ATG10: variants seen among roughly 807,000 people sequenced by gnomAD.
The protein encoded by ATG10 is ubiquitin-like-conjugating enzyme ATG10.
ATG10 carries 30 observed loss-of-function variants against 32.1 expected under a neutral mutation model. That is an observed-to-expected ratio of 0.94 (90% CI 0.70 to 1.27). The LOEUF (loss-of-function observed/expected upper bound fraction) is 1.27. Among genes scored for constraint, ATG10 ranks in the 50% most tolerant of loss-of-function variants. The probability of loss-of-function intolerance (pLI) is 0.00; values close to 1 mark genes in which losing one functional copy is unlikely to be tolerated. For missense variants in ATG10, 233 were observed against 262.3 expected (o/e 0.89, Z 0.77); for synonymous variants, 87 against 91.5 (o/e 0.95, Z 0.28).
intron 5 of ATG10, among the ~76,000 whole-genome samples, chr5:82,245,224 A>G (rs1301068955): frequency 1.3e-5 from 2 of 152,238 alleles, no homozygotes; most frequent in Admixed American, 6.5e-5. Context: ...TCCTAAACCA[A>G]CTAATGACTG....
At chr5:82,070,626 C>T (rs1280341044) in intron 3 of ATG10, among the ~76,000 whole-genome samples, 1 of 152,048 alleles carries the variant, frequency 6.6e-6, no homozygotes, top group South Asian at 2.1e-4. Context: ...TCTTTTATTT[C>T]TCTTGCTTTC....
intron 3 of ATG10, among the ~76,000 whole-genome samples, chr5:82,079,503 C>A (rs1422124779): frequency 1.3e-5 from 2 of 151,984 alleles, no homozygotes; most frequent in Non-Finnish European, 2.9e-5. Context: ...TCTCCTAGTG[C>A]TATCCCTCCC....
At chr5:82,124,980 T>C (rs1333854913) in intron 3 of ATG10, among the ~76,000 whole-genome samples, 1 of 152,214 alleles carries the variant, frequency 6.6e-6, no homozygotes, top group Non-Finnish European at 1.5e-5. Context: ...ATGAACACCA[T>C]TCTAACTGGC....
chr5:82,047,967 A>G (rs1196472236), intron 2 of ATG10, among the ~76,000 whole-genome samples: 1 of 149,820 alleles, frequency 6.7e-6, no homozygotes, highest in African/African-American at 2.4e-5. Context: ...CCGTTTATTA[A>G]ATAGGGAATC....
intron 5 of ATG10, among the ~76,000 whole-genome samples, chr5:82,216,562 G>C (rs949678545): frequency 2.0e-5 from 3 of 152,126 alleles, no homozygotes; most frequent in African/African-American, 7.2e-5. Context: ...GAGACTTCAA[G>C]CATGCTAATT....
chr5:82,252,511 G>A, intron 5 of ATG10, 51 bp from the exon 6 acceptor site: 1 of 1,089,294 alleles, frequency 9.2e-7, no homozygotes, highest in Non-Finnish European at 1.4e-6. Flanking sequence ...AATTATTTTA[G>A]CCTTTTCAAA....
At chr5:82,185,643 A>G (rs1159359353) in intron 5 of ATG10, among the ~76,000 whole-genome samples, 2 of 152,186 alleles carry the variant, frequency 1.3e-5, no homozygotes, top group Non-Finnish European at 2.9e-5. Flanking sequence ...AAACACAACA[A>G]AAAAAACATA....
chr5:82,210,409 T>C (rs1745449944), intron 5 of ATG10, among the ~76,000 whole-genome samples: 1 of 152,154 alleles, frequency 6.6e-6, no homozygotes, highest in African/African-American at 2.4e-5. Flanking sequence ...GCTGATCTGT[T>C]TCCAATACCC....
At chr5:82,039,722 A>C (rs1288442792) in intron 2 of ATG10, among the ~76,000 whole-genome samples, 1 of 152,260 alleles carries the variant, frequency 6.6e-6, no homozygotes, top group African/African-American at 2.4e-5. Flanking sequence ...CACAGAAGAA[A>C]GTATGCAATT....
intron 2 of ATG10, among the ~76,000 whole-genome samples, chr5:82,020,563 A>T (rs1309686318): frequency 6.6e-6 from 1 of 152,208 alleles, no homozygotes; most frequent in Admixed American, 6.5e-5. Context: ...CTGATCTGTG[A>T]CAAGTTCAGC....
intron 3 of ATG10, among the ~76,000 whole-genome samples, chr5:82,082,572 G>T (rs1435533450): frequency 6.6e-6 from 1 of 151,780 alleles, no homozygotes; most frequent in African/African-American, 2.4e-5. Flanking sequence ...TGTGGCTGAT[G>T]GACTTTGAGA....
At chr5:82,058,456 T>C in intron 2 of ATG10, 39 bp from the exon 3 acceptor site, 2 of 1,397,870 alleles carry the variant, frequency 1.4e-6, no homozygotes, top group Non-Finnish European at 2.0e-6. Context: ...CTTAAAATAA[T>C]TGGCATTTTC....
At chr5:82,108,994 G>A (rs538463831) in intron 3 of ATG10, among the ~76,000 whole-genome samples, 1 of 152,130 alleles carries the variant, frequency 6.6e-6, no homozygotes, top group East Asian at 1.9e-4. Flanking sequence ...ATTTGGAGCC[G>A]AAGAAAAGTC....
At chr5:82,174,777 G>C (rs1170219051) in intron 4 of ATG10, among the ~76,000 whole-genome samples, 2 of 152,184 alleles carry the variant, frequency 1.3e-5, no homozygotes, top group Non-Finnish European at 2.9e-5. Context: ...TGATATGCTT[G>C]TTTTAAAAAC....
rs1561274199 is a variant in ATG10, at chr5:82,051,358, T to TC, written c.109-7132dup. On this transcript the variant is annotated intron_variant, in intron 2 of 7. Coordinates refer to ENST00000282185, the MANE Select transcript of ATG10 (RefSeq NM_031482.5). ...TATCTGAGATGTAACTCCAGCCCTT[T>TC]CCCCCAAGAAGTTCTGAGGTATGGG... Among the ~76,000 whole-genome samples, 4 of 152,310 alleles carry TC rather than the reference T, an allele frequency of 2.6e-5. No individual in the cohort carries two copies. The South Asian group carries it at 8.3e-4, about 32-fold the overall frequency.
intron 3 of ATG10, among the ~76,000 whole-genome samples, chr5:82,121,084 A>G (rs62365387): frequency 0.037 from 5,629 of 152,268 alleles, 163 homozygotes; most frequent in Non-Finnish European, 0.058. Context: ...AGAAGAACCT[A>G]CGGTCTTTTT....
In ATG10 at chr5:81,973,617, T is replaced by C. The variant is rs563555297; in HGVS notation, c.-13+1311T>C. On this transcript the variant is annotated intron_variant, in intron 1 of 7. Coordinates refer to ENST00000282185, the MANE Select transcript of ATG10 (RefSeq NM_031482.5). ...TTTGTTATTGGACAATGGTCTCTAT[T>C]CTTTAGTGGCAAAAACAAGTTTATG... Among the ~76,000 whole-genome samples, 12 of 152,328 alleles carry C rather than the reference T, an allele frequency of 7.9e-5. No individual in the cohort carries two copies. The East Asian group carries it at 1.2e-3, about 15-fold the overall frequency.
chr5:82,107,534 A>G (rs895608775), intron 3 of ATG10, among the ~76,000 whole-genome samples: 2 of 152,150 alleles, frequency 1.3e-5, no homozygotes, highest in Non-Finnish European at 2.9e-5. Flanking sequence ...ATGTATTTTA[A>G]AAATATTTTC....
At chr5:81,981,505 A>T (rs986477504) in intron 1 of ATG10, among the ~76,000 whole-genome samples, 2 of 152,218 alleles carry the variant, frequency 1.3e-5, no homozygotes, top group Non-Finnish European at 2.9e-5. Flanking sequence ...CTGATAGTGC[A>T]TGTTTTTTAA....
Sources: allele counts gnomAD v4.1 joint callset (sites outside exome capture counted in the v4.1 genomes callset), GRCh38; gene constraint gnomAD v4.1.1; transcripts MANE v1.5; gene names NCBI Gene and HGNC (gene_info 2026-07-23, HGNC 2026-07-21).